Variants in CHIC1 observed in about 807,000 individuals in gnomAD.
The protein encoded by CHIC1 is cysteine rich hydrophobic domain 1.
A neutral mutation model predicts 18.5 loss-of-function variants in CHIC1; 7 were observed. The ratio of observed to expected loss-of-function variants is 0.38; its 90% confidence interval spans 0.22 to 0.71. The LOEUF (loss-of-function observed/expected upper bound fraction) is 0.71, where lower values mean the gene tolerates loss of function less well. Ranked by LOEUF, CHIC1 falls within the 30% of genes least tolerant of loss-of-function variation. The pLI is 0.49. For missense variants in CHIC1, 159 were observed against 176.9 expected (o/e 0.90, Z 0.57); for synonymous variants, 77 against 73.5 (o/e 1.05, Z -0.25).
intron 3 of CHIC1, among the ~76,000 whole-genome samples, chrX:73,593,305 C>T (rs755565694): frequency 5.4e-5 from 6 of 111,116 alleles, no homozygotes; most frequent in Non-Finnish European, 9.4e-5. Flanking sequence ...AATTTGAGAT[C>T]CTTCTAAGTT....
chrX:73,595,492 AG>A (rs1224172560), intron 3 of CHIC1, among the ~76,000 whole-genome samples: 1 of 111,388 alleles, frequency 9.0e-6, no homozygotes, highest in Non-Finnish European at 1.9e-5. Context: ...GTCTCTGCAA[AG>A]GACATGAACT....
chrX:73,660,047 C>T (rs1053318151), intron 3 of CHIC1, among the ~76,000 whole-genome samples: 4 of 112,061 alleles, frequency 3.6e-5, no homozygotes, highest in Admixed American at 1.9e-4. Context: ...CCAAGACAGA[C>T]CTCCCAGCCA....
intron 3 of CHIC1, among the ~76,000 whole-genome samples, chrX:73,678,141 C>T (rs1007761040): frequency 1.8e-5 from 2 of 111,489 alleles, no homozygotes; most frequent in Non-Finnish European, 3.8e-5. Flanking sequence ...GGCTTTGGTT[C>T]TGCATGGGCA....
intron 3 of CHIC1, among the ~76,000 whole-genome samples, chrX:73,594,319 T>C (rs1293953672): frequency 9.0e-6 from 1 of 110,713 alleles, no homozygotes; most frequent in Non-Finnish European, 1.9e-5. Flanking sequence ...TACAGGCACC[T>C]GCTATCATGC....
chrX:73,669,198 C>T (rs901762147), intron 3 of CHIC1, among the ~76,000 whole-genome samples: 2 of 111,046 alleles, frequency 1.8e-5, no homozygotes, highest in Admixed American at 9.5e-5. Context: ...AGTGACCAAC[C>T]AACCCAAGTG....
intron 3 of CHIC1, among the ~76,000 whole-genome samples, chrX:73,619,756 G>A (rs1019670051): frequency 3.6e-5 from 4 of 110,507 alleles, no homozygotes; most frequent in Non-Finnish European, 7.6e-5. Context: ...TGTGCAGATC[G>A]TGCAGGTTTG....
chrX:73,645,358 C>T lies in CHIC1; in HGVS notation c.508-33968C>T, dbSNP rs182266625. 1.2e-4 allele frequency among the ~76,000 whole-genome samples: 13 copies of T among 112,067 alleles called. No individual in the cohort carries two copies. In the East Asian group the frequency reaches 3.7e-3, roughly 32 times the overall value. On this transcript the variant is annotated intron_variant, in intron 3 of 5. Transcript: ENST00000373502. ...TCTATCTTGGCTATTGTGAATAATG[C>T]TGCAGTGAACATGGGAGTTCAGATA...
At chrX:73,575,206 A>G (rs1033693102) in intron 1 of CHIC1, among the ~76,000 whole-genome samples, 3 of 110,424 alleles carry the variant, frequency 2.7e-5, no homozygotes, top group Non-Finnish European at 5.8e-5. Context: ...GGGGGTCAAC[A>G]TTGGAGTTTT....
At chrX:73,631,424 C>T (rs760614795) in intron 3 of CHIC1, among the ~76,000 whole-genome samples, 4 of 109,083 alleles carry the variant, frequency 3.7e-5, no homozygotes, top group South Asian at 4.0e-4. Context: ...GTTGGGTGTT[C>T]GAGACCAGCC....
In CHIC1 at chrX:73,672,159, A is replaced by C. The variant is rs1354264926; in HGVS notation, c.508-7167A>C. ...TATATGTGCCACATTTTCTTAATCC[A>C]GTCTATTGTTGTTGGACATTTGGGT... On this transcript the variant is annotated intron_variant, in intron 3 of 5. Transcript: ENST00000373502. Among the ~76,000 whole-genome samples the C allele has an allele frequency of 4.5e-5, 5 of 111,671 alleles. No homozygotes were observed. The East Asian group carries it at 8.6e-4, about 19-fold the overall frequency.
intron 3 of CHIC1, among the ~76,000 whole-genome samples, chrX:73,658,248 GTTTTTTTTTTTTTTTTTTT>G (rs869309622): frequency 2.4e-4 from 4 of 16,710 alleles, no homozygotes; most frequent in African/African-American, 9.3e-4. Context: ...CTGGTCCTAG[GTTTTTTTTTTTTTTTTTTT>G]TTTTTTTTTT....
rs190368545 is a variant in CHIC1, at chrX:73,652,581, C to T, written c.508-26745C>T. On this transcript the variant is annotated intron_variant, in intron 3 of 5. Transcript: ENST00000373502. ...AATGTGGGCAAAGTATATGAACAGACGCTATTCAAAAGAAGACATTTATGT... is the reference window on the plus strand; with the variant it reads ...AATGTGGGCAAAGTATATGAACAGATGCTATTCAAAAGAAGACATTTATGT... Among the ~76,000 whole-genome samples, 283 of 112,089 alleles carry T rather than the reference C, an allele frequency of 2.5e-3. 3 individuals carry two copies. The highest frequency in any genetic ancestry group is 0.022 in the Admixed American group (236 of 10,596).
intron 3 of CHIC1, among the ~76,000 whole-genome samples, chrX:73,612,563 C>A (rs1473198125): frequency 3.6e-5 from 4 of 111,733 alleles, no homozygotes; most frequent in Non-Finnish European, 7.5e-5. Context: ...TTCTTGTTAA[C>A]CCCATGGTCA....
chrX:73,655,612 G>C (rs2057944248), intron 3 of CHIC1, among the ~76,000 whole-genome samples: 1 of 69,431 alleles, frequency 1.4e-5, no homozygotes, highest in Non-Finnish European at 2.5e-5. Context: ...TGTATATATA[G>C]TGTGTGTATA....
chrX:73,631,577 G>A (rs2057807219), intron 3 of CHIC1, among the ~76,000 whole-genome samples: 1 of 110,027 alleles, frequency 9.1e-6, no homozygotes, highest in African/African-American at 3.3e-5. Context: ...AGGTTACAGT[G>A]AGCTGAGATT....
At chrX:73,634,313 C>T (rs977501974) in intron 3 of CHIC1, among the ~76,000 whole-genome samples, 4 of 112,817 alleles carry the variant, frequency 3.5e-5, no homozygotes, top group African/African-American at 1.3e-4. Flanking sequence ...TGCCTTTACT[C>T]TATCCTGTCA....
intron 1 of CHIC1, among the ~76,000 whole-genome samples, chrX:73,575,043 TA>T (rs1213151569): frequency 9.1e-6 from 1 of 110,142 alleles, no homozygotes; most frequent in African/African-American, 3.3e-5. Flanking sequence ...CCAAGTGCGA[TA>T]AATCAGTTAA....
At chrX:73,565,392 G>A (rs964665275) in intron 1 of CHIC1, among the ~76,000 whole-genome samples, 2 of 111,882 alleles carry the variant, frequency 1.8e-5, no homozygotes, top group Admixed American at 9.5e-5. Context: ...CAACCTATTT[G>A]CTTCATTAGA....
At chrX:73,623,359 C>T (rs1364387081) in intron 3 of CHIC1, among the ~76,000 whole-genome samples, 2 of 110,806 alleles carry the variant, frequency 1.8e-5, no homozygotes, top group Admixed American at 9.7e-5. Context: ...TTATGAATCT[C>T]GTTGCTCCTG....
Sources: gnomAD v4.1 joint callset for allele counts (sites outside exome capture counted in the v4.1 genomes callset) on GRCh38, gnomAD v4.1.1 for gene constraint, MANE v1.5 for transcripts, NCBI Gene and HGNC (gene_info 2026-07-23, HGNC 2026-07-21) for gene names.